ERBB4: variants seen among roughly 807,000 people sequenced by gnomAD.
ERBB4 encodes receptor tyrosine-protein kinase erbB-4.
A neutral mutation model predicts 158.0 loss-of-function variants in ERBB4; 42 were observed. That is an observed-to-expected ratio of 0.27 (90% CI 0.21 to 0.34). The LOEUF is 0.34. ERBB4 is among the 10% of genes least tolerant of loss of function. ERBB4 has a pLI of 1.00. For synonymous variants in ERBB4, 583 were observed against 558.7 expected (o/e 1.04, Z -0.61); for missense variants, 1,333 against 1,624.1 (o/e 0.82, Z 3.08).
intron 19 of ERBB4, 102 bp downstream of exon 19, chr2:211,619,075 G>A (rs1234869231): frequency 1.4e-6 from 1 of 733,690 alleles, no homozygotes; most frequent in Non-Finnish European, 2.5e-6. Context: ...TTCCATAAGA[G>A]AAATTTGTAA....
At chr2:211,449,724 C>T (rs1302911587) in intron 20 of ERBB4, among the ~76,000 whole-genome samples, 1 of 152,080 alleles carries the variant, frequency 6.6e-6, no homozygotes, top group African/African-American at 2.4e-5. Context: ...GAGAAATTGC[C>T]TACAAGAATA....
intron 2 of ERBB4, among the ~76,000 whole-genome samples, chr2:212,081,492 T>C (rs1309120263): frequency 1.3e-5 from 2 of 152,122 alleles, no homozygotes; most frequent in African/African-American, 4.8e-5. Flanking sequence ...CCAATCACAA[T>C]AGATCTAGCA....
chr2:211,473,428 T>C (rs2064878699), intron 20 of ERBB4, among the ~76,000 whole-genome samples: 1 of 152,142 alleles, frequency 6.6e-6, no homozygotes, highest in Non-Finnish European at 1.5e-5. Context: ...TTGTGGCAGA[T>C]TGTTACAGCA....
intron 3 of ERBB4, among the ~76,000 whole-genome samples, chr2:211,944,369 A>G (rs1057206601): frequency 2.0e-5 from 3 of 151,132 alleles, no homozygotes; most frequent in African/African-American, 7.3e-5. Flanking sequence ...AAAATTCATC[A>G]CGAATTATTA....
At chr2:212,312,054 C>T (rs1173579663) in intron 1 of ERBB4, among the ~76,000 whole-genome samples, 2 of 150,970 alleles carry the variant, frequency 1.3e-5, no homozygotes, top group Admixed American at 6.6e-5. Flanking sequence ...GATAAAGCCA[C>T]CCAGTTGTAC....
intron 20 of ERBB4, among the ~76,000 whole-genome samples, chr2:211,440,072 A>G (rs1432218850): frequency 6.6e-6 from 1 of 152,230 alleles, no homozygotes; most frequent in Non-Finnish European, 1.5e-5. Flanking sequence ...ATCAAAAACA[A>G]AAAAGCAAAT....
intron 1 of ERBB4, among the ~76,000 whole-genome samples, chr2:212,504,794 G>T (rs1032354073): frequency 6.6e-6 from 1 of 152,048 alleles, no homozygotes; most frequent in African/African-American, 2.4e-5. Flanking sequence ...AGTTGTGTTT[G>T]CATATGATTT....
intron 16 of ERBB4, among the ~76,000 whole-genome samples, chr2:211,651,740 C>T (rs1211749863): frequency 6.6e-6 from 1 of 152,106 alleles, no homozygotes; most frequent in Non-Finnish European, 1.5e-5. Context: ...ATACACATGG[C>T]TGGCTAAGAG....
At chr2:211,803,514 G>T (rs2076546509) in intron 3 of ERBB4, among the ~76,000 whole-genome samples, 1 of 152,098 alleles carries the variant, frequency 6.6e-6, no homozygotes, top group South Asian at 2.1e-4. Flanking sequence ...GTAGAACTAT[G>T]GCAAACTGGA....
chr2:212,309,557 C>T (rs1444555285), intron 1 of ERBB4, among the ~76,000 whole-genome samples: 1 of 150,688 alleles, frequency 6.6e-6, no homozygotes, highest in Non-Finnish European at 1.5e-5. Context: ...GAATAGCAGG[C>T]ACTCAATCAG....
chr2:211,771,274 C>T (rs192717042), intron 4 of ERBB4, among the ~76,000 whole-genome samples: 1 of 152,238 alleles, frequency 6.6e-6, no homozygotes, highest in Non-Finnish European at 1.5e-5. Context: ...GACCATGCTA[C>T]ACAACATCTC....
chr2:212,526,215 T>C (rs1395359595), intron 1 of ERBB4, among the ~76,000 whole-genome samples: 1 of 152,066 alleles, frequency 6.6e-6, no homozygotes, highest in Non-Finnish European at 1.5e-5. Context: ...TGAAATAGCA[T>C]GTATCGGATC....
intron 2 of ERBB4, among the ~76,000 whole-genome samples, chr2:212,102,869 A>C (rs751418039): frequency 2.6e-5 from 4 of 152,042 alleles, no homozygotes; most frequent in Non-Finnish European, 5.9e-5. Context: ...AACACATCTC[A>C]CATCTGTTCA....
chr2:212,195,988 T>C (rs964674243), intron 1 of ERBB4, among the ~76,000 whole-genome samples: 6 of 152,126 alleles, frequency 3.9e-5, no homozygotes, highest in Non-Finnish European at 8.8e-5. Flanking sequence ...AATAAAATTA[T>C]GTAGACACAT....
chr2:212,022,744 A>G (rs1207588834), intron 2 of ERBB4, among the ~76,000 whole-genome samples: 1 of 152,120 alleles, frequency 6.6e-6, no homozygotes, highest in Non-Finnish European at 1.5e-5. Flanking sequence ...TTTGAGTTTT[A>G]TTTGTATTTT....
chr2:212,284,371 C>T (rs1429909550), intron 1 of ERBB4, among the ~76,000 whole-genome samples: 1 of 152,126 alleles, frequency 6.6e-6, no homozygotes, highest in East Asian at 1.9e-4. Context: ...TTTCCACAAA[C>T]ATTTAATTCT....
intron 1 of ERBB4, among the ~76,000 whole-genome samples, chr2:212,288,852 T>A (rs2086101155): frequency 6.6e-6 from 1 of 152,054 alleles, no homozygotes; most frequent in Admixed American, 6.6e-5. Context: ...TTATTTCCAA[T>A]TTGTATCTCA....
chr2:211,554,876 G>A (rs569421916), intron 20 of ERBB4, among the ~76,000 whole-genome samples: 1 of 152,270 alleles, frequency 6.6e-6, no homozygotes, highest in African/African-American at 2.4e-5. Context: ...CCTACTTTTT[G>A]TCTCATATTA....
intron 2 of ERBB4, among the ~76,000 whole-genome samples, chr2:211,976,266 G>C (rs2081603793): frequency 6.6e-6 from 1 of 152,096 alleles, no homozygotes; most frequent in Admixed American, 6.6e-5. Flanking sequence ...TGGGGAATGA[G>C]GAAAGATACC....
Sources: allele counts gnomAD v4.1 joint callset (sites outside exome capture counted in the v4.1 genomes callset), GRCh38; gene constraint gnomAD v4.1.1; transcripts MANE v1.5; gene names NCBI Gene and HGNC (gene_info 2026-07-23, HGNC 2026-07-21).